Variants in MICU1 observed in about 807,000 individuals in gnomAD.
MICU1 encodes the protein mitochondrial calcium uptake 1.
In MICU1, 45 loss-of-function variants were observed where a neutral mutation model predicts 56.8. The observed-to-expected ratio is 0.79, with a 90% CI of 0.62 to 1.02. The LOEUF (loss-of-function observed/expected upper bound fraction) is 1.02. Ranked by LOEUF, MICU1 falls within the 50% of genes least tolerant of loss-of-function variation. The probability of loss-of-function intolerance (pLI) is 0.00; values close to 1 mark genes in which losing one functional copy is unlikely to be tolerated. For missense variants in MICU1, 504 were observed against 587.1 expected (o/e 0.86, Z 1.46); for synonymous variants, 186 against 195.1 (o/e 0.95, Z 0.39).
At chr10:72,524,799 A>G in intron 5 of MICU1, 9 of 1,117,714 alleles carry the variant, frequency 8.1e-6, no homozygotes, top group Non-Finnish European at 1.0e-5. Flanking sequence ...GATTATATGA[A>G]CAAACTAATC....
chr10:72,428,004 T>C (rs34298006), intron 8 of MICU1, among the ~76,000 whole-genome samples: 1,529 of 152,230 alleles, frequency 0.01, 7 homozygotes, highest in Non-Finnish European at 0.017. Flanking sequence ...GAGCATGACA[T>C]ACACATTTCA....
chr10:72,493,635 TAG>T (rs1866741491), intron 6 of MICU1, among the ~76,000 whole-genome samples: 1 of 152,022 alleles, frequency 6.6e-6, no homozygotes, highest in Non-Finnish European at 1.5e-5. Flanking sequence ...GTATTTTTTG[TAG>T]AGACATGGTT....
chr10:72,571,563 G>T (rs563065451), intron 1 of MICU1, among the ~76,000 whole-genome samples: 1 of 152,270 alleles, frequency 6.6e-6, no homozygotes, highest in Non-Finnish European at 1.5e-5. Flanking sequence ...AATAGGAAGA[G>T]ATCATGGTAA....
intron 4 of MICU1, among the ~76,000 whole-genome samples, chr10:72,545,889 A>G (rs1189839943): frequency 6.6e-6 from 1 of 152,186 alleles, no homozygotes; most frequent in Non-Finnish European, 1.5e-5. Context: ...GTGATGCTAT[A>G]CTAGTCAGGC....
intron 8 of MICU1, among the ~76,000 whole-genome samples, chr10:72,427,109 A>G (rs1460783223): frequency 6.6e-6 from 1 of 152,184 alleles, no homozygotes; most frequent in Non-Finnish European, 1.5e-5. Flanking sequence ...CACCATCTGC[A>G]TTGTTTTTCC....
intron 4 of MICU1, among the ~76,000 whole-genome samples, chr10:72,538,650 G>C (rs1036764629): frequency 2.0e-5 from 3 of 151,754 alleles, no homozygotes; most frequent in African/African-American, 7.3e-5. Context: ...CACAAAGGAA[G>C]ACAAAGAAGA....
intron 6 of MICU1, among the ~76,000 whole-genome samples, chr10:72,482,769 A>G (rs569145538): frequency 4.0e-5 from 6 of 151,588 alleles, no homozygotes; most frequent in African/African-American, 1.2e-4. Flanking sequence ...CCTCAACATC[A>G]TAATAGCCCT....
chr10:72,427,169 T>C (rs1297485138), intron 8 of MICU1, among the ~76,000 whole-genome samples: 2 of 152,218 alleles, frequency 1.3e-5, no homozygotes, highest in Non-Finnish European at 1.5e-5. Flanking sequence ...TCTGCAGCCA[T>C]TGCCACTTTC....
chr10:72,489,385 C>T (rs1200939042), intron 6 of MICU1, among the ~76,000 whole-genome samples: 2 of 151,692 alleles, frequency 1.3e-5, no homozygotes, highest in African/African-American at 2.4e-5. Flanking sequence ...CATAACAACT[C>T]TATAAGGTAG....
intron 5 of MICU1, chr10:72,523,838 T>C (rs1431302042): frequency 6.5e-6 from 10 of 1,528,758 alleles, no homozygotes; most frequent in Non-Finnish European, 8.7e-6. Flanking sequence ...TTGGCCCGTC[T>C]GTAAGTATAT....
intron 3 of MICU1, among the ~76,000 whole-genome samples, chr10:72,553,395 G>C (rs746760508): frequency 3.9e-5 from 6 of 151,944 alleles, no homozygotes; most frequent in Non-Finnish European, 7.4e-5. Flanking sequence ...CACCACGCCC[G>C]GCTAATTTTT....
chr10:72,458,719 T>C (rs1254126635), intron 8 of MICU1, among the ~76,000 whole-genome samples: 1 of 151,152 alleles, frequency 6.6e-6, no homozygotes, highest in African/African-American at 2.4e-5. Context: ...TTTTTTTTTT[T>C]TTTAAATAAA....
intron 1 of MICU1, among the ~76,000 whole-genome samples, chr10:72,595,557 G>A (rs1841357836): frequency 6.6e-6 from 1 of 150,960 alleles, no homozygotes; most frequent in African/African-American, 2.4e-5. Context: ...AATACAGGCA[G>A]AATCTGGAAA....
chr10:72,451,739 C>T (rs562550615), intron 8 of MICU1, among the ~76,000 whole-genome samples: 27 of 152,236 alleles, frequency 1.8e-4, no homozygotes, highest in Non-Finnish European at 3.4e-4. Flanking sequence ...GACAGGGTCT[C>T]GCTTTGTTGC....
chr10:72,479,490 A>G (rs373828965), intron 6 of MICU1, among the ~76,000 whole-genome samples: 1 of 152,216 alleles, frequency 6.6e-6, no homozygotes, highest in African/African-American at 2.4e-5. Context: ...TAGTAAATGG[A>G]AGATCCACAG....
intron 8 of MICU1, among the ~76,000 whole-genome samples, chr10:72,429,902 G>A (rs2132153986): frequency 6.6e-6 from 1 of 152,292 alleles, no homozygotes; most frequent in Non-Finnish European, 1.5e-5. Context: ...ACAGAGAAAA[G>A]TGAAATAACT....
At chr10:72,583,695 T>C (rs1840968294) in intron 1 of MICU1, among the ~76,000 whole-genome samples, 1 of 152,242 alleles carries the variant, frequency 6.6e-6, no homozygotes, top group Admixed American at 6.5e-5. Context: ...ACAACTAAGA[T>C]ACTGCTCAAA....
intron 6 of MICU1, among the ~76,000 whole-genome samples, chr10:72,482,836 CAT>C (rs5786079): frequency 0.62 from 88,947 of 144,566 alleles, 27,853 homozygotes; most frequent in Non-Finnish European, 0.67. Context: ...TATATATATA[CAT>C]ATATATATAT....
intron 5 of MICU1, among the ~76,000 whole-genome samples, chr10:72,516,615 A>C (rs1193174123): frequency 2.0e-5 from 3 of 152,082 alleles, no homozygotes; most frequent in Non-Finnish European, 4.4e-5. Context: ...TTTTGTATAC[A>C]GTGTAAGGAA....
Sources: allele counts gnomAD v4.1 joint callset (sites outside exome capture counted in the v4.1 genomes callset), GRCh38; gene constraint gnomAD v4.1.1; transcripts MANE v1.5; gene names NCBI Gene and HGNC (gene_info 2026-07-23, HGNC 2026-07-21).